The following DIXDC1 variants were observed in gnomAD, a reference collection of about 807,000 sequenced individuals.
DIXDC1 encodes dixin.
DIXDC1 carries 64 observed loss-of-function variants against 103.1 expected under a neutral mutation model. The ratio of observed to expected loss-of-function variants is 0.62; its 90% CI spans 0.51 to 0.76. DIXDC1 has a LOEUF of 0.76. Among genes scored for constraint, DIXDC1 ranks in the 30% least tolerant of loss-of-function variants. The pLI, the probability that DIXDC1 is intolerant of heterozygous loss-of-function variation, is 0.00. For synonymous variants in DIXDC1, 266 were observed against 298.5 expected, an observed-to-expected ratio of 0.89 and a Z score of 1.12; for missense variants, 759 against 834.2, an observed-to-expected ratio of 0.91 and a Z score of 1.11.
intron 3 of DIXDC1, 103 bp downstream of exon 3, chr11:111,968,741 C>T: frequency 6.6e-6 from 8 of 1,215,290 alleles, no homozygotes; most frequent in Non-Finnish European, 8.7e-6. Context: ...TAGAAAGTCT[C>T]CATTCATTTT....
At chr11:111,978,326 C>A (rs974471076) in intron 5 of DIXDC1, among the ~76,000 whole-genome samples, 4 of 152,016 alleles carry the variant, frequency 2.6e-5, no homozygotes, top group Non-Finnish European at 5.9e-5. Flanking sequence ...TTTTTCTGAC[C>A]TGGGGCAGAG....
intron 5 of DIXDC1, among the ~76,000 whole-genome samples, chr11:111,979,604 G>T (rs1206544772): frequency 6.6e-6 from 1 of 151,994 alleles, no homozygotes; most frequent in African/African-American, 2.4e-5. Context: ...CTGTTTTTTT[G>T]GAGATTTAAA....
intron 3 of DIXDC1, among the ~76,000 whole-genome samples, chr11:111,971,752 ATCTAT>A (rs1859941887): frequency 6.6e-6 from 1 of 151,560 alleles, no homozygotes; most frequent in Non-Finnish European, 1.5e-5. Flanking sequence ...CTATATCTAT[ATCTAT>A]ATCTATATAC....
chr11:111,992,082 C>G (rs1860728087), intron 10 of DIXDC1, among the ~76,000 whole-genome samples: 1 of 152,318 alleles, frequency 6.6e-6, no homozygotes, highest in South Asian at 2.1e-4. Flanking sequence ...TAATTTGAAT[C>G]TACGTCTATC....
At chr11:111,980,410 A>G (rs782397606) in intron 5 of DIXDC1, among the ~76,000 whole-genome samples, 14 of 152,230 alleles carry the variant, frequency 9.2e-5, no homozygotes, top group Non-Finnish European at 1.8e-4. Context: ...GGTGGGAGGT[A>G]AAACAAAGCA....
intron 1 of DIXDC1, chr11:111,946,738 C>A (rs587678809): frequency 4.4e-6 from 2 of 454,284 alleles, no homozygotes; most frequent in South Asian, 3.2e-5. Context: ...TCATTGAAGT[C>A]GGCCTGGGCA....
chr11:112,021,206 G>A lies in DIXDC1; in HGVS notation c.*2170G>A, dbSNP rs1174997856. On this transcript the variant is annotated 3_prime_UTR_variant, in exon 20 of 20. Coordinates refer to ENST00000440460, the MANE Select transcript of DIXDC1 (RefSeq NM_001037954.4). ...GTGTCTTTTGGAAAAGGAGCTGCATGGCCTCAGTGCCTCCATAAAAAGCTT... is the reference window on the plus strand; with the variant it reads ...GTGTCTTTTGGAAAAGGAGCTGCATAGCCTCAGTGCCTCCATAAAAAGCTT... The A allele has an allele frequency of 6.6e-6, 1 of 152,192 alleles. No individual in the cohort carries two copies. The highest frequency in any genetic ancestry group is 1.5e-5 in the Non-Finnish European group (1 of 68,028). 9.4% of individuals were successfully genotyped at this position (152,192 alleles called of 1,614,324 possible). A position where few individuals can be genotyped will look rare whatever the true frequency, so the allele number is the denominator to read the frequency against.
intron 1 of DIXDC1, among the ~76,000 whole-genome samples, chr11:111,961,620 A>G (rs587658883): frequency 1.3e-5 from 2 of 152,332 alleles, no homozygotes; most frequent in Admixed American, 6.5e-5. Context: ...AAAAGTACTC[A>G]ACAGTACTAA....
chr11:111,943,875 T>C (rs79397517), intron 1 of DIXDC1, among the ~76,000 whole-genome samples: 7,544 of 152,218 alleles, frequency 0.05, 640 homozygotes, highest in African/African-American at 0.17. Context: ...AAAGAAAAAC[T>C]ATGGGTAAGG....
rs782108082 is a variant in DIXDC1 at position 112,017,905 on chromosome 11, TC to T, written c.1971+21del. On this transcript the variant is annotated intron_variant, in intron 19 of 19. Coordinates refer to ENST00000440460, the MANE Select transcript of DIXDC1 (RefSeq NM_001037954.4). The surrounding 1 kb of genome is among the most constrained non-coding windows in gnomAD (Gnocchi z 4.0). ...GAGGAGGTAAAGAATCTGTGGGGAGTCTGTATGGTATTATTGGTCCTTTCTG... is the reference window on the plus strand; with the variant it reads ...GAGGAGGTAAAGAATCTGTGGGGAGTTGTATGGTATTATTGGTCCTTTCTG... 2.1e-5 allele frequency: 33 copies of T among 1,577,768 alleles called. No homozygotes were observed. In the Admixed American group the frequency reaches 2.3e-4, roughly 11 times the overall value.
At chr11:111,936,845 AGTGTGTGT>A (rs57332873), upstream of DIXDC1, among the ~76,000 whole-genome samples, 3,577 of 140,816 alleles carry the variant, frequency 0.025, 188 homozygotes, top group African/African-American at 0.088. Context: ...TTAAGTTAGC[AGTGTGTGT>A]GTGTGTGTGT....
Position 112,017,525 on chromosome 11 carries a change from G to T in DIXDC1, c.1863-252G>T, listed in dbSNP as rs184323609. The stretch of plus-strand genomic sequence containing the variant: ...TTATATCTTATTTCCAGAGAAAAGT[G>T]ATTTGGCTTCTGAAGCAATAAGTCA... On this transcript the variant is annotated intron_variant, in intron 18 of 19. Coordinates refer to ENST00000440460, the MANE Select transcript of DIXDC1 (RefSeq NM_001037954.4). This position sits in a 1 kb window ranked among gnomAD's most constrained non-coding sequence, Gnocchi z 4.0. The T allele has an allele frequency of 1.9e-3, 490 of 254,738 alleles. 19 individuals are homozygous for T. In the Admixed American group the frequency reaches 0.025, roughly 13 times the overall value. 15.8% of individuals were successfully genotyped at this position (254,738 alleles called of 1,614,324 possible).
Position 111,992,451 on chromosome 11 carries a change from T to C in DIXDC1, c.1150T>C (p.Ser384Pro). 6.3e-7 allele frequency: 1 copy of C among 1,583,934 alleles called. No homozygotes were observed. Among genetic ancestry groups the C allele is most frequent in the Non-Finnish European group, 8.6e-7 (1 of 1,164,484 alleles). ...GCAGAGATTGACTCAGCAGGACACA[T>C]CTGTTCTTCAGCTCAAACAAGAGCT... is the stretch of plus-strand genomic sequence containing the variant. ...LQQRLTQQDT[S>P]VLQLKQELLR... Residue 384 changes from serine to proline, a missense_variant, in exon 11 of 20, where the codon TCT becomes CCT. By Grantham distance (74) the Ser-to-Pro change is moderately conservative. Around this residue, in one of 3 missense-constraint regions of DIXDC1, gnomAD observed 657 missense variants for 727.5 expected, o/e 0.90. Transcript: ENST00000440460.
chr11:112,020,461 A>G lies in DIXDC1; in HGVS notation c.*1425A>G, dbSNP rs1417518286. 4 of 152,650 alleles carry G rather than the reference A, an allele frequency of 2.6e-5. No homozygotes were observed. Among genetic ancestry groups the G allele is most frequent in the Non-Finnish European group, 5.9e-5 (4 of 68,036 alleles). The allele number at this position is 152,650 out of a possible 1,614,324, so 9.5% of individuals were successfully genotyped here. A position where few individuals can be genotyped will look rare whatever the true frequency, so the allele number is the denominator to read the frequency against. ...TGTTTTATATAGATGTATCTTTTAAAAATAGTTCACGTTTGGAGAATTCTT... is the reference window on the plus strand; with the variant it reads ...TGTTTTATATAGATGTATCTTTTAAGAATAGTTCACGTTTGGAGAATTCTT... On this transcript the variant is annotated 3_prime_UTR_variant, in exon 20 of 20. Transcript: ENST00000440460.
intron 8 of DIXDC1, among the ~76,000 whole-genome samples, chr11:111,985,699 T>C (rs1860466273): frequency 6.6e-6 from 1 of 152,074 alleles, no homozygotes; most frequent in African/African-American, 2.4e-5. Flanking sequence ...ACCTGGGCGG[T>C]AGTATCTGCC....
intron 17 of DIXDC1, among the ~76,000 whole-genome samples, chr11:112,012,517 G>C (rs1318678470): frequency 6.6e-6 from 1 of 152,118 alleles, no homozygotes; most frequent in South Asian, 2.1e-4. Context: ...TTTTAAGTGA[G>C]TTTGACCTAT....
chr11:111,978,282 T>C (rs1860184423), intron 5 of DIXDC1, among the ~76,000 whole-genome samples: 1 of 152,212 alleles, frequency 6.6e-6, no homozygotes, highest in South Asian at 2.1e-4. Context: ...GGGAGGAGCC[T>C]GTCATATACA....
intron 1 of DIXDC1, among the ~76,000 whole-genome samples, chr11:111,928,688 G>A (rs947905053): frequency 6.6e-6 from 1 of 151,954 alleles, no homozygotes; most frequent in Non-Finnish European, 1.5e-5. Context: ...GCTTGAACCC[G>A]AGAGGCGAGG....
chr11:111,930,431 C>T (rs1965973345), intron 2 of DIXDC1, among the ~76,000 whole-genome samples: 1 of 152,096 alleles, frequency 6.6e-6, no homozygotes, highest in Admixed American at 6.5e-5. Flanking sequence ...AGGCACGTGC[C>T]ATCACACCCA....
Sources: allele counts gnomAD v4.1 joint callset (sites outside exome capture counted in the v4.1 genomes callset), GRCh38; gene constraint gnomAD v4.1.1; regional missense constraint gnomAD v4.1.1; non-coding constraint Gnocchi (gnomAD v3.1); transcripts MANE v1.5; gene names NCBI Gene and HGNC (gene_info 2026-07-23, HGNC 2026-07-21).